The following BCKDHB variants were observed in gnomAD, a reference collection of about 807,000 sequenced individuals.
BCKDHB encodes 2-oxoisovalerate dehydrogenase subunit beta, mitochondrial.
A neutral mutation model predicts 48.5 loss-of-function variants in BCKDHB; 41 were observed. The ratio of observed to expected loss-of-function variants is 0.85; its 90% CI spans 0.66 to 1.10. BCKDHB has a LOEUF of 1.10. BCKDHB is among the 50% of genes least tolerant of loss of function. BCKDHB has a pLI of 0.00. For synonymous variants in BCKDHB, 201 were observed against 174.8 expected (o/e 1.15, Z -1.18); for missense variants, 496 against 494.2 (o/e 1.00, Z -0.03).
At chr6:80,413,639 T>G in the BCKDHB span, among the ~76,000 whole-genome samples, 2 of 152,220 alleles carry the variant, frequency 1.3e-5, no homozygotes, top group African/African-American at 4.8e-5. Flanking sequence ...ATCATTCTCG[T>G]TATGCCTGCA....
chr6:80,449,915 T>C, the BCKDHB span, among the ~76,000 whole-genome samples: 5 of 152,186 alleles, frequency 3.3e-5, no homozygotes. Flanking sequence ...TAGTTTCCAA[T>C]AGGAAGTTGC....
intron 3 of BCKDHB, among the ~76,000 whole-genome samples, chr6:80,155,991 C>T (rs931869472): frequency 6.6e-6 from 1 of 151,326 alleles, no homozygotes; most frequent in Non-Finnish European, 1.5e-5. Flanking sequence ...AAAATACTTT[C>T]CCCCCCAACT....
chr6:80,207,209 T>G (rs576289565), intron 8 of BCKDHB, among the ~76,000 whole-genome samples: 6 of 152,056 alleles, frequency 3.9e-5, no homozygotes, highest in African/African-American at 1.4e-4. Flanking sequence ...AGTTTAAGTT[T>G]AGTGAAGTTT....
At chr6:80,282,833 A>G (rs948200831) in intron 9 of BCKDHB, among the ~76,000 whole-genome samples, 22 of 152,122 alleles carry the variant, frequency 1.4e-4, no homozygotes, top group African/African-American at 5.3e-4. Context: ...AAGCTTTATT[A>G]TATGTAGATG....
intron 6 of BCKDHB, among the ~76,000 whole-genome samples, chr6:80,187,328 T>C (rs1444346254): frequency 1.3e-5 from 2 of 152,208 alleles, no homozygotes; most frequent in African/African-American, 4.8e-5. Flanking sequence ...TTGCTATTAT[T>C]ATCATATAAA....
intron 9 of BCKDHB, among the ~76,000 whole-genome samples, chr6:80,317,041 T>G (rs1438955569): frequency 6.6e-6 from 1 of 152,166 alleles, no homozygotes; most frequent in Non-Finnish European, 1.5e-5. Context: ...TTTAAAACAT[T>G]TGTATTCCAA....
the BCKDHB span, among the ~76,000 whole-genome samples, chr6:80,389,157 T>C: frequency 6.6e-6 from 1 of 152,176 alleles, no homozygotes. Flanking sequence ...AATAATCAAG[T>C]AGATAGGATG....
chr6:80,367,500 A>G, the BCKDHB span, among the ~76,000 whole-genome samples: 1 of 152,228 alleles, frequency 6.6e-6, no homozygotes, highest in African/African-American at 2.4e-5. Context: ...TGATATGCAC[A>G]CATTCTATCA....
intron 6 of BCKDHB, among the ~76,000 whole-genome samples, chr6:80,177,430 A>G (rs1257837568): frequency 1.3e-5 from 2 of 152,160 alleles, no homozygotes; most frequent in Non-Finnish European, 2.9e-5. Context: ...AAACTGGAAG[A>G]TAAAACCAAA....
chr6:80,170,917 TTAG>T (rs1419674595), intron 5 of BCKDHB, among the ~76,000 whole-genome samples: 7 of 152,166 alleles, frequency 4.6e-5, no homozygotes, highest in Non-Finnish European at 1.0e-4. Context: ...AAACAGATTA[TTAG>T]TAGAAGAGAT....
intron 3 of BCKDHB, among the ~76,000 whole-genome samples, chr6:80,152,688 A>T (rs1771849665): frequency 6.6e-6 from 1 of 152,166 alleles, no homozygotes; most frequent in Admixed American, 6.6e-5. Flanking sequence ...ATTTATTATT[A>T]GTTGTAATAT....
intron 9 of BCKDHB, among the ~76,000 whole-genome samples, chr6:80,330,338 T>C (rs1198850560): frequency 6.6e-6 from 1 of 152,152 alleles, no homozygotes; most frequent in East Asian, 1.9e-4. Context: ...TGCTGACATA[T>C]ATATATATTT....
the BCKDHB span, among the ~76,000 whole-genome samples, chr6:80,407,648 G>C: frequency 1.4e-4 from 21 of 152,128 alleles, no homozygotes; most frequent in African/African-American, 4.8e-4. Flanking sequence ...TGCTTTGGCT[G>C]TCTGTTTGTC....
chr6:80,273,515 T>C (rs1777841016), intron 9 of BCKDHB, among the ~76,000 whole-genome samples: 1 of 152,114 alleles, frequency 6.6e-6, no homozygotes, highest in Non-Finnish European at 1.5e-5. Flanking sequence ...TAACTTTGCT[T>C]GTATTTGCTA....
intron 8 of BCKDHB, among the ~76,000 whole-genome samples, chr6:80,266,217 T>A (rs1300370095): frequency 6.6e-6 from 1 of 152,112 alleles, no homozygotes; most frequent in African/African-American, 2.4e-5. Context: ...AGAAACAGAT[T>A]GAGTTGAGAT....
rs557821099 is a variant in BCKDHB at position 80,175,315 on chromosome 6, C to T, written c.742+3925C>T. ...ACATCTAATCATATGGCCATGACCA[C>T]ACCTAACCACAGAAGAGGCTGAGAA... On this transcript the variant is annotated intron_variant, in intron 6 of 9. Coordinates refer to ENST00000320393, the MANE Select transcript of BCKDHB (RefSeq NM_183050.4). Among the ~76,000 whole-genome samples, 3 of 152,276 alleles carry T rather than the reference C, an allele frequency of 2.0e-5. 1 individual carries two copies. In the East Asian group the frequency reaches 5.8e-4, roughly 29 times the overall value.
At chr6:80,456,164 G>A in the BCKDHB span, among the ~76,000 whole-genome samples, 2 of 151,328 alleles carry the variant, frequency 1.3e-5, no homozygotes, top group African/African-American at 4.9e-5. Flanking sequence ...GCAGTGAGCC[G>A]AGATTGCACC....
At chr6:80,427,879 C>T in the BCKDHB span, among the ~76,000 whole-genome samples, 7,616 of 151,772 alleles carry the variant, frequency 0.05, 583 homozygotes, top group African/African-American at 0.16. Context: ...CTGGCTGATT[C>T]AATTTTTATT....
chr6:80,276,653 A>T (rs951572803), intron 9 of BCKDHB, among the ~76,000 whole-genome samples: 1 of 151,692 alleles, frequency 6.6e-6, no homozygotes, highest in Admixed American at 6.6e-5. Flanking sequence ...CAGTGCCCAC[A>T]TCTTAGGTTT....
Sources: allele counts gnomAD v4.1 joint callset (sites outside exome capture counted in the v4.1 genomes callset), GRCh38; gene constraint gnomAD v4.1.1; transcripts MANE v1.5; gene names NCBI Gene and HGNC (gene_info 2026-07-23, HGNC 2026-07-21).